DENND4A: variants seen among roughly 807,000 people sequenced by gnomAD.
DENND4A encodes the protein C-myc promoter-binding protein.
DENND4A carries 70 observed loss-of-function variants against 199.3 expected under a neutral mutation model. The observed-to-expected ratio is 0.35, with a 90% confidence interval of 0.29 to 0.43. The LOEUF (loss-of-function observed/expected upper bound fraction) is 0.43, where lower values mean the gene tolerates loss of function less well. Among genes scored for constraint, DENND4A ranks in the 20% least tolerant of loss-of-function variants. The pLI is 1.00. For synonymous variants in DENND4A, 686 were observed against 766.9 expected (o/e 0.89, Z 1.74); for missense variants, 1,723 against 2,255.8 (o/e 0.76, Z 4.78).
rs759376856 is a variant in DENND4A at position 65,737,893 on chromosome 15, G to A, written c.854C>T (p.Thr285Ile). The change falls in exon 7 of 33, where the codon ACA becomes ATA. Residue 285 changes from threonine to isoleucine, a missense_variant. Physicochemically the swap from Thr to Ile is moderately conservative, Grantham distance 89. Transcript: ENST00000443035. ...FYEPYSEENL[T>I]EKQRLLLGLT... is the part of the protein sequence containing the mutation. ...ACCCAAAAGAAGTCTCTGCTTTTCT[G>A]TGAGATTCTCCTCAGAGTATGGTTC... The A allele has an allele frequency of 2.3e-5, 37 of 1,603,290 alleles. No individual in the cohort carries two copies. The East Asian group carries it at 7.8e-4, about 34-fold the overall frequency.
At chr15:65,718,697 T>G (rs897316323) in intron 12 of DENND4A, among the ~76,000 whole-genome samples, 7 of 151,002 alleles carry the variant, frequency 4.6e-5, no homozygotes, top group Non-Finnish European at 1.0e-4. Flanking sequence ...CATAAACTAG[T>G]ACATTTGAAA....
intron 9 of DENND4A, among the ~76,000 whole-genome samples, chr15:65,730,362 G>A (rs2075923294): frequency 6.6e-6 from 1 of 151,968 alleles, no homozygotes. Context: ...AGTTTCACTG[G>A]AATAATCTTT....
At chr15:65,681,882 G>A (rs2076589555) in intron 23 of DENND4A, among the ~76,000 whole-genome samples, 1 of 152,026 alleles carries the variant, frequency 6.6e-6, no homozygotes, top group Non-Finnish European at 1.5e-5. Context: ...CTTTTCTATT[G>A]GAGCTCTTGC....
intron 24 of DENND4A, among the ~76,000 whole-genome samples, chr15:65,676,092 T>C (rs2076365279): frequency 6.8e-6 from 1 of 147,252 alleles, no homozygotes; most frequent in South Asian, 2.2e-4. Flanking sequence ...TAGGAAACTA[T>C]TGACAGTATG....
chr15:65,724,250 G>A (rs2075735102), intron 11 of DENND4A, among the ~76,000 whole-genome samples: 1 of 152,026 alleles, frequency 6.6e-6, no homozygotes, highest in Admixed American at 6.6e-5. Flanking sequence ...GTAGAGATGA[G>A]GTCTTGCTTC....
chr15:65,687,835 T>C lies in DENND4A; in HGVS notation c.4179+2580A>G, dbSNP rs188120412. 5.3e-5 allele frequency among the ~76,000 whole-genome samples: 8 copies of C among 152,334 alleles called. 1 individual carries two copies. In the East Asian group the frequency reaches 1.5e-3, roughly 29 times the overall value. ...TTTCTTGTTAGCAGGTGAATATCTC[T>C]GATTTTTAGTTTACTTTTGATGTGT... is the stretch of plus-strand genomic sequence containing the variant. On this transcript the variant is annotated intron_variant, in intron 23 of 32. Transcript: ENST00000443035.
chr15:65,687,398 CT>C (rs902152426), intron 23 of DENND4A, among the ~76,000 whole-genome samples: 2 of 150,348 alleles, frequency 1.3e-5, no homozygotes, highest in Non-Finnish European at 3.0e-5. Context: ...TTTTTCTTTT[CT>C]TTTTTTTTCA....
chr15:65,764,317 G>A (rs2076926413), intron 1 of DENND4A, among the ~76,000 whole-genome samples: 1 of 152,098 alleles, frequency 6.6e-6, no homozygotes, highest in South Asian at 2.1e-4. Flanking sequence ...GGGCAACACA[G>A]CAAGACCTCA....
rs576016328 is a variant in DENND4A at position 65,735,383 on chromosome 15, A to C, written c.1040+2324T>G. On this transcript the variant is annotated intron_variant, in intron 7 of 32. Transcript: ENST00000443035. ...ACAGAACCAGACTCTGTGTCAAAAA[A>C]CGAAAACAAAAAGAAAAAAACAAGC... Among the ~76,000 whole-genome samples the C allele has an allele frequency of 4.6e-5, 7 of 152,286 alleles. No individual in the cohort carries two copies. In the East Asian group the frequency reaches 1.4e-3, roughly 29 times the overall value.
intron 1 of DENND4A, among the ~76,000 whole-genome samples, chr15:65,776,062 A>T (rs2077276071): frequency 6.6e-6 from 1 of 152,190 alleles, no homozygotes; most frequent in Non-Finnish European, 1.5e-5. Flanking sequence ...GTATGCTTCT[A>T]GAGTATCTTG....
At chr15:65,755,736 A>G (rs1042375085) in intron 3 of DENND4A, among the ~76,000 whole-genome samples, 1 of 152,228 alleles carries the variant, frequency 6.6e-6, no homozygotes, top group Non-Finnish European at 1.5e-5. Flanking sequence ...ATTGCACTCC[A>G]GCTGGGTGAT....
intron 1 of DENND4A, among the ~76,000 whole-genome samples, chr15:65,790,254 A>G (rs2077678792): frequency 6.6e-6 from 1 of 152,228 alleles, no homozygotes; most frequent in South Asian, 2.1e-4. Context: ...GGAAAAGTTC[A>G]GAACAAATCA....
intron 14 of DENND4A, among the ~76,000 whole-genome samples, chr15:65,708,520 T>C (rs1450992353): frequency 2.0e-5 from 3 of 152,190 alleles, no homozygotes; most frequent in Non-Finnish European, 4.4e-5. Context: ...CTTCTACTTA[T>C]ATACCAATAA....
rs78796891 is a variant in DENND4A at position 65,768,119 on chromosome 15, A to G, written c.-101-6681T>C. 6.8e-4 allele frequency among the ~76,000 whole-genome samples: 104 copies of G among 152,140 alleles called. 1 individual carries two copies. The East Asian group carries it at 0.018, about 26-fold the overall frequency. ...AGTGATCCTCCCACCTCAGCCTCCT[A>G]AGTAGCTTGGGACTATAGGCGCACA... is the stretch of plus-strand genomic sequence containing the variant. On this transcript the variant is annotated intron_variant, in intron 1 of 32. Coordinates refer to ENST00000443035, the MANE Select transcript of DENND4A (RefSeq NM_001320835.1).
At chr15:65,766,441 C>T (rs1363620322) in intron 1 of DENND4A, 1 of 152,162 alleles carries the variant, frequency 6.6e-6, no homozygotes, top group African/African-American at 2.4e-5. Context: ...GTTCCACTTA[C>T]ACATGGTTTT....
chr15:65,756,503 C>T (rs759513506), intron 2 of DENND4A, 31 bp from the exon 3 acceptor site: 8 of 1,467,432 alleles, frequency 5.5e-6, no homozygotes, highest in Non-Finnish European at 7.3e-6. Context: ...TAGTACTCCC[C>T]TATAATAAGC....
intron 23 of DENND4A, among the ~76,000 whole-genome samples, chr15:65,685,891 C>G (rs918646923): frequency 1.3e-5 from 2 of 151,768 alleles, no homozygotes; most frequent in African/African-American, 4.9e-5. Flanking sequence ...ATCTATTCAT[C>G]TCTGTTTATG....
chr15:65,691,492 G>A lies in DENND4A; in HGVS notation c.3102C>T (p.Leu1034=). 1.9e-6 allele frequency: 3 copies of A among 1,607,142 alleles called. No individual in the cohort carries two copies. The highest frequency in any genetic ancestry group is 2.6e-6 in the Non-Finnish European group (3 of 1,176,444). The change falls in exon 23 of 33, where the codon CTC becomes CTT. Residue 1034 remains leucine, a synonymous_variant. Transcript: ENST00000443035. ...TTGTATCTTCAAGAGATGATATTAA[G>A]AGCAGCTCAGGTGTGCTTTCTGAAA... The part of the protein sequence containing the change: ...GESMESTPEL[L]LISSLEDTNE...
At chr15:65,739,809 G>T (rs2076207649) in intron 5 of DENND4A, among the ~76,000 whole-genome samples, 1 of 152,210 alleles carries the variant, frequency 6.6e-6, no homozygotes, top group Admixed American at 6.5e-5. Flanking sequence ...TAGGTCCCAT[G>T]AGGATCTATA....
Sources: gnomAD v4.1 joint callset for allele counts (sites outside exome capture counted in the v4.1 genomes callset) on GRCh38, gnomAD v4.1.1 for gene constraint, MANE v1.5 for transcripts, NCBI Gene and HGNC (gene_info 2026-07-23, HGNC 2026-07-21) for gene names.